The following SNX7 variants were observed in gnomAD, a reference collection of about 807,000 sequenced individuals.
SNX7 encodes sorting nexin 7.
In SNX7, 35 loss-of-function variants were observed where a neutral mutation model predicts 48.4. The ratio of observed to expected loss-of-function variants is 0.72; its 90% CI spans 0.55 to 0.96. SNX7 has a LOEUF of 0.96. Ranked by LOEUF, SNX7 falls within the 40% of genes least tolerant of loss-of-function variation. The probability of loss-of-function intolerance (pLI) is 0.00; values close to 1 mark genes in which losing one functional copy is unlikely to be tolerated. For missense variants in SNX7, 553 were observed against 548.9 expected (o/e 1.01, Z -0.07); for synonymous variants, 190 against 190.2 (o/e 1.00, Z 0.01).
chr1:98,669,639 A>C (rs1649742331), intron 1 of SNX7, among the ~76,000 whole-genome samples: 1 of 152,152 alleles, frequency 6.6e-6, no homozygotes, highest in South Asian at 2.1e-4. Flanking sequence ...ATTTGTTTCC[A>C]CCGTACAATT....
intron 7 of SNX7, among the ~76,000 whole-genome samples, chr1:98,735,671 T>G (rs923773701): frequency 6.6e-6 from 1 of 152,100 alleles, no homozygotes; most frequent in Non-Finnish European, 1.5e-5. Context: ...AGTAGGCAAA[T>G]TTTCAGGCCC....
intron 7 of SNX7, among the ~76,000 whole-genome samples, chr1:98,712,017 G>T (rs1414107639): frequency 6.6e-6 from 1 of 152,108 alleles, no homozygotes; most frequent in African/African-American, 2.4e-5. Context: ...CGTCTCATCT[G>T]TTCAAATTCT....
intron 8 of SNX7, among the ~76,000 whole-genome samples, chr1:98,758,952 T>C (rs1654988851): frequency 6.7e-6 from 1 of 150,330 alleles, no homozygotes; most frequent in African/African-American, 2.4e-5. Flanking sequence ...CACACACACA[T>C]AAGTATATAC....
intron 2 of SNX7, among the ~76,000 whole-genome samples, chr1:98,689,759 C>T (rs566257518): frequency 6.4e-4 from 98 of 152,232 alleles, no homozygotes; most frequent in South Asian, 2.7e-3. Context: ...TGTATGTGTG[C>T]ATGCATCTAT....
intron 8 of SNX7, among the ~76,000 whole-genome samples, chr1:98,750,678 C>T (rs1031371941): frequency 5.3e-5 from 8 of 151,690 alleles, no homozygotes; most frequent in African/African-American, 1.2e-4. Context: ...AGCTGCTAAA[C>T]GAATGAATGA....
chr1:98,729,091 C>T (rs550825468), intron 7 of SNX7, among the ~76,000 whole-genome samples: 1 of 152,294 alleles, frequency 6.6e-6, no homozygotes, highest in African/African-American at 2.4e-5. Context: ...TCATAACAGT[C>T]TCTCAGACCA....
At chr1:98,701,111 T>A (rs1448015728) in intron 6 of SNX7, among the ~76,000 whole-genome samples, 3 of 152,134 alleles carry the variant, frequency 2.0e-5, no homozygotes, top group Non-Finnish European at 4.4e-5. Flanking sequence ...TTAAAGACAT[T>A]GTAAAAGTTC....
intron 1 of SNX7, among the ~76,000 whole-genome samples, chr1:98,678,382 T>C (rs1650290453): frequency 6.6e-6 from 1 of 152,154 alleles, no homozygotes; most frequent in Non-Finnish European, 1.5e-5. Flanking sequence ...ACTGCCAACA[T>C]TGGGGGTCAC....
At chr1:98,734,114 T>TG (rs1477208199) in intron 7 of SNX7, among the ~76,000 whole-genome samples, 1 of 152,168 alleles carries the variant, frequency 6.6e-6, no homozygotes, top group Admixed American at 6.6e-5. Flanking sequence ...TTTCTGTGGT[T>TG]GTGTTCATAT....
intron 8 of SNX7, among the ~76,000 whole-genome samples, chr1:98,742,496 A>G (rs1313412965): frequency 6.6e-6 from 1 of 152,144 alleles, no homozygotes; most frequent in Non-Finnish European, 1.5e-5. Flanking sequence ...CGTTAAGTGA[A>G]TATGATAAAG....
chr1:98,759,186 AC>A (rs1655000735), intron 8 of SNX7, among the ~76,000 whole-genome samples: 2 of 152,002 alleles, frequency 1.3e-5, no homozygotes, highest in African/African-American at 4.8e-5. Context: ...GTAGAAACAT[AC>A]ATGTCTATGG....
At chr1:98,730,015 A>G (rs6657528) in intron 7 of SNX7, among the ~76,000 whole-genome samples, 84,021 of 152,032 alleles carry the variant, frequency 0.55, 24,263 homozygotes, top group Non-Finnish European at 0.64. Flanking sequence ...CCTCAGTAAC[A>G]TACTGGCAAA....
intron 7 of SNX7, among the ~76,000 whole-genome samples, chr1:98,716,251 T>G (rs1037462347): frequency 1.3e-5 from 2 of 152,148 alleles, no homozygotes; most frequent in Non-Finnish European, 2.9e-5. Flanking sequence ...TGTTTCCCCA[T>G]GGTAGGTTTG....
intron 7 of SNX7, among the ~76,000 whole-genome samples, chr1:98,718,571 C>A (rs1038748538): frequency 1.3e-5 from 2 of 152,054 alleles, no homozygotes; most frequent in African/African-American, 2.4e-5. Flanking sequence ...AAAATAACCC[C>A]AAATTATGAT....
chr1:98,693,534 G>A (rs1190740110), intron 4 of SNX7, among the ~76,000 whole-genome samples: 1 of 152,190 alleles, frequency 6.6e-6, no homozygotes, highest in African/African-American at 2.4e-5. Context: ...GAAGCTGTTA[G>A]AAATATTTTC....
At chr1:98,701,468 G>T (rs1651743770) in intron 6 of SNX7, among the ~76,000 whole-genome samples, 1 of 152,044 alleles carries the variant, frequency 6.6e-6, no homozygotes, top group Non-Finnish European at 1.5e-5. Flanking sequence ...TATTTCTCCA[G>T]TGCTTCTACT....
chr1:98,760,257 A>G lies in SNX7; in HGVS notation c.*126A>G. 4 of 692,310 alleles carry G rather than the reference A, an allele frequency of 5.8e-6. No homozygotes were observed. The highest frequency in any genetic ancestry group is 1.0e-5 in the Non-Finnish European group (4 of 398,770). The allele number at this position is 692,310 out of a possible 1,614,324, so 42.9% of individuals were successfully genotyped here. A position where few individuals can be genotyped will look rare whatever the true frequency, so the allele number is the denominator to read the frequency against. ...TTTTGTACCCATCTGGAAAACCAAC[A>G]ACTTGAAATCTCAGGTATTCCAGGT... On this transcript the variant is annotated 3_prime_UTR_variant, in exon 9 of 9. Transcript: ENST00000306121.
intron 7 of SNX7, among the ~76,000 whole-genome samples, chr1:98,720,167 A>T (rs1029398484): frequency 6.6e-6 from 1 of 151,710 alleles, no homozygotes; most frequent in Non-Finnish European, 1.5e-5. Flanking sequence ...GGACTTGTCT[A>T]CCCCCACTCT....
intron 8 of SNX7, among the ~76,000 whole-genome samples, chr1:98,740,473 A>G (rs1321650924): frequency 1.3e-5 from 2 of 152,166 alleles, no homozygotes; most frequent in African/African-American, 2.4e-5. Context: ...AAACCTAAGT[A>G]TATTAGGGTA....
Sources: allele counts gnomAD v4.1 joint callset (sites outside exome capture counted in the v4.1 genomes callset), GRCh38; gene constraint gnomAD v4.1.1; transcripts MANE v1.5; gene names NCBI Gene and HGNC (gene_info 2026-07-23, HGNC 2026-07-21).